Variants in DAPK1 observed in about 807,000 individuals in gnomAD.
DAPK1 encodes death-associated protein kinase 1.
DAPK1 carries 56 observed loss-of-function variants against 144.9 expected under a neutral mutation model. The ratio of observed to expected loss-of-function variants is 0.39; its 90% confidence interval spans 0.31 to 0.48. The LOEUF (loss-of-function observed/expected upper bound fraction) is 0.48. Among genes scored for constraint, DAPK1 ranks in the 20% least tolerant of loss-of-function variants. DAPK1 has a pLI of 0.95. For missense variants in DAPK1, 1,454 were observed against 1,875.4 expected (o/e 0.78, Z 4.15); for synonymous variants, 690 against 749.0 (o/e 0.92, Z 1.29).
At chr9:87,583,190 T>G (rs978154621) in intron 2 of DAPK1, among the ~76,000 whole-genome samples, 6 of 152,126 alleles carry the variant, frequency 3.9e-5, no homozygotes, top group African/African-American at 1.4e-4. Context: ...AGAATAATAT[T>G]TCATTATTAC....
chr9:87,609,414 G>A (rs1489714910), intron 3 of DAPK1, among the ~76,000 whole-genome samples: 1 of 152,172 alleles, frequency 6.6e-6, no homozygotes, highest in Non-Finnish European at 1.5e-5. Context: ...AGAACAGAAA[G>A]TGCACCCTTA....
intron 3 of DAPK1, among the ~76,000 whole-genome samples, chr9:87,621,547 T>G (rs906798602): frequency 6.6e-6 from 1 of 152,148 alleles, no homozygotes; most frequent in Non-Finnish European, 1.5e-5. Context: ...TCACTCCCAT[T>G]GTTGGTGTGC....
chr9:87,542,897 A>G (rs1226618884), intron 2 of DAPK1, among the ~76,000 whole-genome samples: 2 of 152,224 alleles, frequency 1.3e-5, no homozygotes, highest in Admixed American at 6.5e-5. Context: ...ACATGCATGA[A>G]ATGGCATCAC....
chr9:87,643,508 C>A, intron 11 of DAPK1, 40 bp downstream of exon 11: 2 of 1,246,632 alleles, frequency 1.6e-6, no homozygotes, highest in Non-Finnish European at 1.2e-6. Flanking sequence ...TTTCTTAGCA[C>A]TGGGTACTCA....
chr9:87,565,486 A>G (rs1234430847), intron 2 of DAPK1, among the ~76,000 whole-genome samples: 1 of 152,182 alleles, frequency 6.6e-6, no homozygotes, highest in Middle Eastern at 3.2e-3. Flanking sequence ...GCCTCACTAC[A>G]GGTCATTGCA....
At chr9:87,583,738 C>T (rs1333301577) in intron 2 of DAPK1, among the ~76,000 whole-genome samples, 1 of 152,208 alleles carries the variant, frequency 6.6e-6, no homozygotes, top group Non-Finnish European at 1.5e-5. Context: ...CATTTCCAGG[C>T]AGCCATACTC....
At chr9:87,574,358 G>A (rs1179115478) in intron 2 of DAPK1, among the ~76,000 whole-genome samples, 5 of 152,104 alleles carry the variant, frequency 3.3e-5, no homozygotes, top group Non-Finnish European at 5.9e-5. Context: ...AACAACTACC[G>A]TCTCCACCTC....
intron 17 of DAPK1, among the ~76,000 whole-genome samples, chr9:87,653,701 TA>T (rs980643039): frequency 2.7e-3 from 325 of 118,556 alleles, no homozygotes; most frequent in African/African-American, 9.9e-3. Flanking sequence ...TCATTATTAT[TA>T]TTTTTTTTGA....
At chr9:87,594,379 G>C (rs138059939) in intron 2 of DAPK1, among the ~76,000 whole-genome samples, 77 of 152,274 alleles carry the variant, frequency 5.1e-4, no homozygotes, top group Admixed American at 1.8e-3. Context: ...CTGGAGCCAG[G>C]GTCCCTGCTG....
At chr9:87,564,225 T>C (rs1563996522) in intron 2 of DAPK1, among the ~76,000 whole-genome samples, 1 of 152,140 alleles carries the variant, frequency 6.6e-6, no homozygotes, top group Non-Finnish European at 1.5e-5. Context: ...GGGCCCTGAC[T>C]CAGATCCTGG....
chr9:87,645,038 A>T (rs1830222802), intron 11 of DAPK1, among the ~76,000 whole-genome samples: 1 of 152,220 alleles, frequency 6.6e-6, no homozygotes, highest in Non-Finnish European at 1.5e-5. Context: ...GAGAAAGCAG[A>T]TGGAGAGAAA....
chr9:87,608,329 G>A lies in DAPK1; in HGVS notation c.284+3154G>A, dbSNP rs368832875. On this transcript the variant is annotated intron_variant, in intron 3 of 25. Transcript: ENST00000408954. ...AGATTTGTGCATGAAGAGTGAGTCC[G>A]TTTTTATTACTGAGTAGTATTTCAT... 7.0e-4 allele frequency among the ~76,000 whole-genome samples: 107 copies of A among 152,290 alleles called. 1 individual carries two copies. Among genetic ancestry groups the A allele is most frequent in the African/African-American group, 2.4e-3 (98 of 41,560 alleles).
At chr9:87,498,905 G>A (rs1824290882) in intron 1 of DAPK1, 65 bp from the exon 2 acceptor site, 1 of 553,086 alleles carries the variant, frequency 1.8e-6, no homozygotes, top group Non-Finnish European at 3.3e-6. Context: ...TAGCGCCGGG[G>A]AGGTCTACTT....
rs1031791868 is a variant in DAPK1, at chr9:87,708,572, A to C, written c.*1208A>C. ...CTGGTATTTTTACTTAATCTATAAA[A>C]TGTCGTTAAAAAGTTGTTTGTTTTT... On this transcript the variant is annotated 3_prime_UTR_variant, in exon 26 of 26. Coordinates refer to ENST00000408954, the MANE Select transcript of DAPK1 (RefSeq NM_004938.4). 1 of 152,700 alleles carries C rather than the reference A, an allele frequency of 6.5e-6. No individual in the cohort carries two copies. The highest frequency in any genetic ancestry group is 6.5e-5 in the Admixed American group (1 of 15,292). The allele number at this position is 152,700 out of a possible 1,614,324, so 9.5% of individuals were successfully genotyped here.
At chr9:87,582,731 T>G (rs1827794620) in intron 2 of DAPK1, among the ~76,000 whole-genome samples, 1 of 152,036 alleles carries the variant, frequency 6.6e-6, no homozygotes, top group African/African-American at 2.4e-5. Flanking sequence ...ATTTTTGTAT[T>G]TTTAGTAGAG....
At position 87,639,397 on chromosome 9, in the gene DAPK1, G is replaced by T. The variant is rs780995964; in HGVS notation, c.467G>T (p.Arg156Leu). 6.2e-7 allele frequency: 1 copy of T among 1,611,424 alleles called. No individual in the cohort carries two copies. Among genetic ancestry groups the T allele is most frequent in the Admixed American group, 1.7e-5 (1 of 59,686 alleles). ...TTGGATAGAAATGTCCCCAAACCTC[G>T]GATCAAGATCATTGACTTTGGGTTG... ...MLLDRNVPKPRIKIIDFGLAH... is the reference protein window; with the variant it reads ...MLLDRNVPKPLIKIIDFGLAH... The change falls in exon 5 of 26, where the codon CGG becomes CTG. Residue 156 changes from arginine (R) to leucine (L), a missense_variant. Physicochemically the swap from Arg to Leu is moderately radical, Grantham distance 102 (BLOSUM62 -2). Around this residue, in one of 2 missense-constraint regions of DAPK1, gnomAD observed 429 missense variants for 637.5 expected, o/e 0.67. Coordinates refer to ENST00000408954, the MANE Select transcript of DAPK1 (RefSeq NM_004938.4).
chr9:87,654,766 G>A (rs1830576700), intron 17 of DAPK1, among the ~76,000 whole-genome samples: 1 of 152,192 alleles, frequency 6.6e-6, no homozygotes, highest in Non-Finnish European at 1.5e-5. Flanking sequence ...GGTCTACTAT[G>A]TGTGCAGCAT....
chr9:87,547,513 A>C lies in DAPK1; in HGVS notation c.62+48374A>C, dbSNP rs573796879. 3.9e-5 allele frequency among the ~76,000 whole-genome samples: 6 copies of C among 152,298 alleles called. No individual in the cohort carries two copies. In the South Asian group the frequency reaches 1.0e-3, roughly 26 times the overall value. Reference sequence around the variant, plus strand: ...ACTTTAGTTAATTTAAGACTAATTTAAATAGCTACATGTATTAGGATTCTC... The same window carrying C: ...ACTTTAGTTAATTTAAGACTAATTTCAATAGCTACATGTATTAGGATTCTC... On this transcript the variant is annotated intron_variant, in intron 2 of 25. Transcript: ENST00000408954.
chr9:87,571,493 A>ACACACAC lies in DAPK1; in HGVS notation c.63-33460_63-33459insACACACC, dbSNP rs1564001003. ...CACACACCAACACACACACACACAC[A>ACACACAC]CCCCAACACACACACACACACACAC... On this transcript the variant is annotated intron_variant, in intron 2 of 25. Transcript: ENST00000408954. 2.6e-3 allele frequency among the ~76,000 whole-genome samples: 120 copies of ACACACAC among 47,026 alleles called. 3 individuals carry two copies. Among genetic ancestry groups the ACACACAC allele is most frequent in the Non-Finnish European group, 3.0e-3 (79 of 26,634 alleles). 30.9% of individuals were successfully genotyped at this position (47,026 alleles called of 152,430 possible). A position where few individuals can be genotyped will look rare whatever the true frequency, so the allele number is the denominator to read the frequency against.
Sources: allele counts gnomAD v4.1 joint callset (sites outside exome capture counted in the v4.1 genomes callset), GRCh38; gene constraint gnomAD v4.1.1; regional missense constraint gnomAD v4.1.1; transcripts MANE v1.5; gene names NCBI Gene and HGNC (gene_info 2026-07-23, HGNC 2026-07-21).